CTNNA3: variants seen among roughly 807,000 people sequenced by gnomAD.
CTNNA3 encodes catenin alpha 3, also known as catenin alpha-3.
CTNNA3 carries 76 observed loss-of-function variants against 95.7 expected under a neutral mutation model. That is an observed-to-expected ratio of 0.79 (90% confidence interval 0.66 to 0.96). CTNNA3 has a LOEUF of 0.96. Among genes scored for constraint, CTNNA3 ranks in the 40% least tolerant of loss-of-function variants. CTNNA3 has a pLI of 0.00. For missense variants in CTNNA3, 1,191 were observed against 1,089.8 expected (o/e 1.09, Z -1.31); for synonymous variants, 431 against 374.4 (o/e 1.15, Z -1.74).
At position 66,103,149 on chromosome 10, in the gene CTNNA3, T is replaced by G; in HGVS notation, c.1977+8A>C. On this transcript the variant is annotated splice_region_variant and intron_variant, in intron 14 of 17. Transcript: ENST00000433211. ...TACATGGTTCTCCCACCAGTTGAAG[T>G]GACATACCCTATCAGTTTTCCCTTC... 6.2e-7 allele frequency: 1 copy of G among 1,609,208 alleles called. No homozygotes were observed. Among genetic ancestry groups the G allele is most frequent in the Non-Finnish European group, 8.5e-7 (1 of 1,175,502 alleles).
chr10:66,286,069 G>C (rs1179186139), intron 12 of CTNNA3, among the ~76,000 whole-genome samples: 1 of 151,932 alleles, frequency 6.6e-6, no homozygotes, highest in Admixed American at 6.6e-5. Flanking sequence ...GAATATCCTA[G>C]TAGATGTTTT....
intron 12 of CTNNA3, among the ~76,000 whole-genome samples, chr10:66,318,814 A>G (rs79482540): frequency 0.042 from 6,446 of 152,180 alleles, 477 homozygotes; most frequent in African/African-American, 0.15. Flanking sequence ...ATTCTGATGC[A>G]TGCAATCCAG....
chr10:66,430,669 A>G (rs1372932368), intron 11 of CTNNA3, among the ~76,000 whole-genome samples: 6 of 152,232 alleles, frequency 3.9e-5, no homozygotes, highest in Admixed American at 3.3e-4. Flanking sequence ...TCCTTATTTA[A>G]TAAATGGTGC....
At chr10:66,858,493 A>G (rs1213838306) in intron 7 of CTNNA3, among the ~76,000 whole-genome samples, 1 of 151,936 alleles carries the variant, frequency 6.6e-6, no homozygotes, top group East Asian at 1.9e-4. Flanking sequence ...TTTTTTATAC[A>G]TACAGTGGGT....
chr10:67,743,663 A>T (rs1201361862), intron 1 of CTNNA3, among the ~76,000 whole-genome samples: 1 of 151,322 alleles, frequency 6.6e-6, no homozygotes, highest in Non-Finnish European at 1.5e-5. Context: ...GCAATCAGGC[A>T]GGAGAAAGAA....
chr10:66,905,196 A>G (rs1478503270), intron 7 of CTNNA3, among the ~76,000 whole-genome samples: 1 of 152,184 alleles, frequency 6.6e-6, no homozygotes, highest in East Asian at 1.9e-4. Context: ...ACGCCATAAG[A>G]AAGATGAGTG....
chr10:67,668,581 T>C (rs967128297), intron 1 of CTNNA3, among the ~76,000 whole-genome samples: 1 of 152,160 alleles, frequency 6.6e-6, no homozygotes, highest in Non-Finnish European at 1.5e-5. Flanking sequence ...AAAATCTAGA[T>C]GGCCTCTAGG....
intron 15 of CTNNA3, among the ~76,000 whole-genome samples, chr10:66,063,180 A>G (rs1438640228): frequency 1.4e-5 from 2 of 142,738 alleles, no homozygotes; most frequent in African/African-American, 5.2e-5. Context: ...TTTCCAGCCA[A>G]TGACTGGATA....
rs544903505 is a variant in CTNNA3 at position 67,741,168 on chromosome 10, G to A, written c.-2+22266C>T. 2.5e-4 allele frequency among the ~76,000 whole-genome samples: 37 copies of A among 150,920 alleles called. 1 individual carries two copies. The highest frequency in any genetic ancestry group is 4.4e-4 in the Non-Finnish European group (30 of 67,646). On this transcript the variant is annotated intron_variant, in intron 1 of 17. Transcript: ENST00000684154. ...ACTCTGGGGACTGTTGTGGCATGGGGAGAGGGGGGAGAGATAGCATTGGGA... is the reference window on the plus strand; with the variant it reads ...ACTCTGGGGACTGTTGTGGCATGGGAAGAGGGGGGAGAGATAGCATTGGGA...
intron 7 of CTNNA3, among the ~76,000 whole-genome samples, chr10:66,907,024 C>CA (rs981698586): frequency 3.3e-4 from 50 of 152,050 alleles, no homozygotes; most frequent in East Asian, 9.7e-4. Context: ...GAATTAGATA[C>CA]AAAAAAATCC....
At chr10:67,002,873 T>A (rs1328533151) in intron 7 of CTNNA3, among the ~76,000 whole-genome samples, 4 of 152,188 alleles carry the variant, frequency 2.6e-5, no homozygotes, top group Non-Finnish European at 5.9e-5. Flanking sequence ...TAAACTAGAC[T>A]AGGAAAGGAT....
chr10:66,963,334 C>T (rs72804645), intron 7 of CTNNA3, among the ~76,000 whole-genome samples: 2,860 of 152,238 alleles, frequency 0.019, 42 homozygotes, highest in Non-Finnish European at 0.033. Context: ...AATTATTTAC[C>T]TCTATAAGCC....
chr10:67,427,131 G>T (rs1845949367), intron 5 of CTNNA3, among the ~76,000 whole-genome samples: 1 of 151,836 alleles, frequency 6.6e-6, no homozygotes, highest in Non-Finnish European at 1.5e-5. Flanking sequence ...ATTCTTTATG[G>T]GTACCAGGCA....
chr10:66,303,481 C>T (rs901438779), intron 12 of CTNNA3, among the ~76,000 whole-genome samples: 6 of 150,112 alleles, frequency 4.0e-5, no homozygotes, highest in African/African-American at 9.8e-5. Context: ...TCTGGCTCTG[C>T]ACATCATTAT....
intron 7 of CTNNA3, among the ~76,000 whole-genome samples, chr10:67,092,983 G>A (rs748117582): frequency 2.0e-5 from 3 of 151,936 alleles, no homozygotes; most frequent in Non-Finnish European, 4.4e-5. Context: ...TTTCTAGAGA[G>A]TAAGTTTTTA....
At chr10:66,332,021 T>C (rs1169826446) in intron 12 of CTNNA3, among the ~76,000 whole-genome samples, 1 of 151,906 alleles carries the variant, frequency 6.6e-6, no homozygotes, top group Non-Finnish European at 1.5e-5. Flanking sequence ...TGAATGGGAG[T>C]TCACTCATGA....
Position 67,321,085 on chromosome 10 carries a change from C to A in CTNNA3, c.580-101215G>T, listed in dbSNP as rs577610973. 2.0e-5 allele frequency among the ~76,000 whole-genome samples: 3 copies of A among 152,244 alleles called. No homozygotes were observed. In the East Asian group the frequency reaches 5.8e-4, roughly 29 times the overall value. On this transcript the variant is annotated intron_variant, in intron 5 of 17. Transcript: ENST00000433211. The stretch of plus-strand genomic sequence containing the variant: ...TCTTGATTTCTTTGCAGAAAAAGTT[C>A]TTTGTGGCCCAACACTAACTGCACT...
chr10:67,677,911 C>A (rs117329454), intron 1 of CTNNA3, among the ~76,000 whole-genome samples: 1,884 of 152,178 alleles, frequency 0.012, 20 homozygotes, highest in Non-Finnish European at 0.021. Context: ...AGTAGAGGAA[C>A]AAATAATAGG....
Position 67,488,933 on chromosome 10 carries a change from G to A in CTNNA3, c.579+32909C>T, listed in dbSNP as rs1446549701. ...GTATTTTTAGTAGAGATGTGGTTTC[G>A]CCATGTTGCCCAGGCTGGTCTCGAA... On this transcript the variant is annotated intron_variant, in intron 5 of 17. Coordinates refer to ENST00000433211, the MANE Select transcript of CTNNA3 (RefSeq NM_013266.4). Among the ~76,000 whole-genome samples, 5 of 151,598 alleles carry A rather than the reference G, an allele frequency of 3.3e-5. No homozygotes were observed. The East Asian group carries it at 5.8e-4, about 18-fold the overall frequency.
Sources: gnomAD v4.1 joint callset for allele counts (sites outside exome capture counted in the v4.1 genomes callset) on GRCh38, gnomAD v4.1.1 for gene constraint, MANE v1.5 for transcripts, NCBI Gene and HGNC (gene_info 2026-07-23, HGNC 2026-07-21) for gene names.